RSU1: variants seen among roughly 807,000 people sequenced by gnomAD.
RSU1 encodes rsu-1.
In RSU1, 26 loss-of-function variants were observed where a neutral mutation model predicts 31.1. The observed-to-expected ratio is 0.84, with a 90% CI of 0.61 to 1.16. The LOEUF (loss-of-function observed/expected upper bound fraction) is 1.16. RSU1 is among the 50% of genes most tolerant of loss of function. The pLI, the probability that RSU1 is intolerant of heterozygous loss-of-function variation, is 0.00. For missense variants in RSU1, 320 were observed against 339.1 expected (o/e 0.94, Z 0.44); for synonymous variants, 164 against 136.3 (o/e 1.20, Z -1.41).
At chr10:16,618,833 A>G (rs1834023990) in intron 8 of RSU1, among the ~76,000 whole-genome samples, 1 of 152,124 alleles carries the variant, frequency 6.6e-6, no homozygotes, top group Non-Finnish European at 1.5e-5. Context: ...GTGGTGGGGT[A>G]GGGGACAAGG....
intron 3 of RSU1, among the ~76,000 whole-genome samples, chr10:16,778,305 C>G (rs1227922734): frequency 6.6e-6 from 1 of 152,116 alleles, no homozygotes; most frequent in Non-Finnish European, 1.5e-5. Context: ...CACATCTACT[C>G]AAGTCCCTAT....
rs972232137 is a variant in RSU1 at position 16,602,714 on chromosome 10, A to G, written c.732-9218T>C. ...CCCTACTGTTGTTTTGGGTGTTTCC[A>G]TGGCAAGTCCTCATACAGACCAAGA... On this transcript the variant is annotated intron_variant, in intron 8 of 8. Coordinates refer to ENST00000345264, the MANE Select transcript of RSU1 (RefSeq NM_012425.4). Among the ~76,000 whole-genome samples, 26 of 152,322 alleles carry G rather than the reference A, an allele frequency of 1.7e-4. No individual in the cohort carries two copies. The East Asian group carries it at 2.7e-3, about 16-fold the overall frequency.
At chr10:16,754,004 T>G (rs905942635) in intron 5 of RSU1, among the ~76,000 whole-genome samples, 3 of 152,198 alleles carry the variant, frequency 2.0e-5, no homozygotes, top group Admixed American at 2.0e-4. Context: ...CAAGTGATCT[T>G]TGTAGCTCAT....
At chr10:16,594,702 T>C (rs1248914807) in intron 8 of RSU1, among the ~76,000 whole-genome samples, 1 of 147,344 alleles carries the variant, frequency 6.8e-6, no homozygotes, top group East Asian at 1.9e-4. Flanking sequence ...ATATGTATCA[T>C]AGATAATATA....
chr10:16,677,254 TGACTGTCCG>T (rs1564313025), intron 8 of RSU1, among the ~76,000 whole-genome samples: 2 of 152,242 alleles, frequency 1.3e-5, no homozygotes, highest in Non-Finnish European at 1.5e-5. Flanking sequence ...ACTTAAACGA[TGACTGTCCG>T]TTTTCTCGTC....
At chr10:16,629,797 A>C (rs1360809282) in intron 8 of RSU1, among the ~76,000 whole-genome samples, 1 of 152,150 alleles carries the variant, frequency 6.6e-6, no homozygotes, top group African/African-American at 2.4e-5. Flanking sequence ...CTCTAAAGGA[A>C]GTGGGGGAAC....
intron 7 of RSU1, among the ~76,000 whole-genome samples, chr10:16,742,678 A>G (rs1296422582): frequency 6.6e-6 from 1 of 152,186 alleles, no homozygotes; most frequent in Non-Finnish European, 1.5e-5. Flanking sequence ...AAATACATTT[A>G]GCATCCTATT....
At chr10:16,752,426 G>A (rs1836997187) in intron 7 of RSU1, 113 bp downstream of exon 7, 1 of 753,674 alleles carries the variant, frequency 1.3e-6, no homozygotes, top group African/African-American at 1.7e-5. Context: ...AGCATCGTGT[G>A]CCTAGGTGGA....
intron 8 of RSU1, among the ~76,000 whole-genome samples, chr10:16,668,104 G>A (rs1037499839): frequency 6.6e-6 from 1 of 152,170 alleles, no homozygotes; most frequent in Non-Finnish European, 1.5e-5. Context: ...TATTAAAACT[G>A]TAACCTTGAG....
intron 8 of RSU1, among the ~76,000 whole-genome samples, chr10:16,692,280 A>G (rs1300379206): frequency 6.6e-6 from 1 of 152,238 alleles, no homozygotes; most frequent in African/African-American, 2.4e-5. Context: ...ATAGTCTGTA[A>G]CAGTGCAGAA....
At chr10:16,660,464 C>T (rs1834867186) in intron 8 of RSU1, among the ~76,000 whole-genome samples, 1 of 152,036 alleles carries the variant, frequency 6.6e-6, no homozygotes, top group African/African-American at 2.4e-5. Flanking sequence ...CAAACCTTTC[C>T]CAATTCTTAA....
intron 4 of RSU1, among the ~76,000 whole-genome samples, chr10:16,763,501 G>C (rs1456330151): frequency 2.0e-5 from 3 of 152,170 alleles, no homozygotes; most frequent in Non-Finnish European, 4.4e-5. Context: ...ACCAAGAGGG[G>C]ATAGTGCTAA....
Position 16,682,541 on chromosome 10 carries a change from C to CACACACACAT in RSU1, c.731+12481_731+12482insATGTGTGTGT, listed in dbSNP as rs967139382. Among the ~76,000 whole-genome samples, 25 of 147,102 alleles carry CACACACACAT rather than the reference C, an allele frequency of 1.7e-4. No individual in the cohort carries two copies. In the East Asian group the frequency reaches 4.5e-3, roughly 26 times the overall value. On this transcript the variant is annotated intron_variant, in intron 8 of 8. Transcript: ENST00000345264. ...GGTCTTTTAAAATCATTCATACACA[C>CACACACACAT]ACACACACACACACACACACACACA...
chr10:16,726,827 T>G (rs565022091), intron 7 of RSU1, among the ~76,000 whole-genome samples: 2 of 152,102 alleles, frequency 1.3e-5, no homozygotes, highest in African/African-American at 4.8e-5. Context: ...CCTAAAAAAA[T>G]GGACCTCTTT....
chr10:16,755,230 C>T (rs1837059623), intron 4 of RSU1, among the ~76,000 whole-genome samples: 1 of 152,024 alleles, frequency 6.6e-6, no homozygotes, highest in African/African-American at 2.4e-5. Context: ...TCAAGCGATC[C>T]TTCCACTTCA....
chr10:16,756,979 TGGTGTGTGTATAG>T (rs1837101486), intron 4 of RSU1, among the ~76,000 whole-genome samples: 2 of 149,058 alleles, frequency 1.3e-5, no homozygotes, highest in Non-Finnish European at 3.0e-5. Flanking sequence ...GAGTGTGGTG[TGGTGTGTGTATAG>T]GGTGTGTTTG....
At chr10:16,801,100 A>ATT (rs1407349334) in intron 2 of RSU1, among the ~76,000 whole-genome samples, 1 of 151,312 alleles carries the variant, frequency 6.6e-6, no homozygotes, top group African/African-American at 2.4e-5. Context: ...TTTTTTTTAA[A>ATT]AAAAAAAACA....
intron 8 of RSU1, among the ~76,000 whole-genome samples, chr10:16,647,302 G>T (rs561513452): frequency 6.6e-6 from 1 of 152,260 alleles, no homozygotes; most frequent in East Asian, 1.9e-4. Context: ...TTGTGGATAG[G>T]TATGTAAAGT....
rs56715139 is a variant in RSU1, at chr10:16,695,157, T to TGGGG, written c.599-6_599-3dup. 9.6e-5 allele frequency: 116 copies of TGGGG among 1,204,082 alleles called. No individual in the cohort carries two copies. Among genetic ancestry groups the TGGGG allele is most frequent in the Non-Finnish European group, 1.1e-4 (99 of 891,012 alleles). 74.6% of individuals were successfully genotyped at this position (1,204,082 alleles called of 1,614,324 possible). On this transcript the variant is annotated splice_polypyrimidine_tract_variant and splice_region_variant and intron_variant, in intron 7 of 8. Coordinates refer to ENST00000345264, the MANE Select transcript of RSU1 (RefSeq NM_012425.4). Reference sequence around the variant, plus strand: ...TCTGGCCAGTTAAATCCAAGTTTCCTGGGGGGGGGGAAAAAAAAAGTGAAG... The same window carrying TGGGG: ...TCTGGCCAGTTAAATCCAAGTTTCCTGGGGGGGGGGGGGGAAAAAAAAAGTGAAG...
Sources: gnomAD v4.1 joint callset for allele counts (sites outside exome capture counted in the v4.1 genomes callset) on GRCh38, gnomAD v4.1.1 for gene constraint, MANE v1.5 for transcripts, NCBI Gene and HGNC (gene_info 2026-07-23, HGNC 2026-07-21) for gene names.